GRHL1: variants seen among roughly 807,000 people sequenced by gnomAD.
GRHL1 encodes grainyhead like transcription factor 1.
Under a neutral mutation model 75.7 loss-of-function variants are expected in GRHL1, and 38 were observed. The ratio of observed to expected loss-of-function variants is 0.50; its 90% CI spans 0.39 to 0.66. GRHL1 has a LOEUF of 0.66. Ranked by LOEUF, GRHL1 falls within the 30% of genes least tolerant of loss-of-function variation. The pLI is 0.00. For synonymous variants in GRHL1, 266 were observed against 279.4 expected, an observed-to-expected ratio of 0.95 and a Z score of 0.48; for missense variants, 589 against 767.5, an observed-to-expected ratio of 0.77 and a Z score of 2.75.
rs2125255525 is a variant in GRHL1 at position 10,000,826 on chromosome 2, T to G, written c.*119T>G. On this transcript the variant is annotated 3_prime_UTR_variant, in exon 16 of 16. Coordinates refer to ENST00000324907, the MANE Select transcript of GRHL1 (RefSeq NM_198182.3). ...CCAGCACAGGTCTATGTCGAGGGAA[T>G]GGGTTCCTTGCAGGTTGGAGGCGGG... 1 of 581,052 alleles carries G rather than the reference T, an allele frequency of 1.7e-6. No individual in the cohort carries two copies. Among genetic ancestry groups the G allele is most frequent in the South Asian group, 2.5e-5 (1 of 39,568 alleles). 36.0% of individuals were successfully genotyped at this position (581,052 alleles called of 1,614,324 possible). A position where few individuals can be genotyped will look rare whatever the true frequency, so the allele number is the denominator to read the frequency against.
rs527583071 is a variant in GRHL1, at chr2:9,998,864, G to A, written c.1678-101G>A. 16 of 105,616 alleles carry A rather than the reference G, an allele frequency of 1.5e-4. 1 individual carries two copies. Among genetic ancestry groups the A allele is most frequent in the South Asian group, 1.1e-3 (10 of 9,502 alleles). 6.5% of individuals were successfully genotyped at this position (105,616 alleles called of 1,614,324 possible). ...TATATATATGTACACATATATATAC[G>A]TATATATATGTACACATATATATAC... On this transcript the variant is annotated intron_variant, in intron 14 of 15. Coordinates refer to ENST00000324907, the MANE Select transcript of GRHL1 (RefSeq NM_198182.3).
Position 9,968,229 on chromosome 2 carries a change from G to A in GRHL1, c.1110+2848G>A, listed in dbSNP as rs1044273449. 3.3e-5 allele frequency among the ~76,000 whole-genome samples: 5 copies of A among 152,206 alleles called. No individual in the cohort carries two copies. Among genetic ancestry groups the A allele is most frequent in the African/African-American group, 1.2e-4 (5 of 41,448 alleles). ...AGGACCTATCTTACACTGGCCCTGTGTGCACTCCATTCATCACCATAAACA... is the reference window on the plus strand; with the variant it reads ...AGGACCTATCTTACACTGGCCCTGTATGCACTCCATTCATCACCATAAACA... On this transcript the variant is annotated intron_variant, in intron 8 of 15. Transcript: ENST00000324907. The surrounding 1 kb of genome is among the most constrained non-coding windows in gnomAD (Gnocchi z 4.7).
rs752756443 is a variant in GRHL1, at chr2:10,000,671, C to CG, written c.1827dup (p.Ser610ValfsTer68). The CG allele has an allele frequency of 1.2e-6, 2 of 1,611,270 alleles. No individual in the cohort carries two copies. Among genetic ancestry groups the CG allele is most frequent in the Non-Finnish European group, 8.5e-7 (1 of 1,177,576 alleles). ...CCTTCCAGCTGCAGATTGAAGAAGC[C>CG]GGGGGGTCTTACAAGCTCACCCTGA... On this transcript the variant is annotated frameshift_variant, in exon 16 of 16. Transcript: ENST00000324907. LOFTEE classifies it high-confidence loss of function.
Position 10,000,554 on chromosome 2 carries a change from T to A in GRHL1, c.1743-39T>A, listed in dbSNP as rs769684677. On this transcript the variant is annotated intron_variant, in intron 15 of 15. Coordinates refer to ENST00000324907, the MANE Select transcript of GRHL1 (RefSeq NM_198182.3). ...ATCTAGGTCTGACTCCAGGACCAAG[T>A]GGCAGTGAAGTTGGTTGGTCTTGTC... 1.7e-5 allele frequency: 20 copies of A among 1,153,830 alleles called. 1 individual carries two copies. Among genetic ancestry groups the A allele is most frequent in the Admixed American group, 1.7e-4 (10 of 59,002 alleles). The allele number at this position is 1,153,830 out of a possible 1,614,324, so 71.5% of individuals were successfully genotyped here. A position where few individuals can be genotyped will look rare whatever the true frequency, so the allele number is the denominator to read the frequency against.
chr2:9,985,235 G>C (rs748493332), intron 8 of GRHL1, among the ~76,000 whole-genome samples: 12 of 152,146 alleles, frequency 7.9e-5, no homozygotes, highest in Non-Finnish European at 1.8e-4. Flanking sequence ...TGGATTCTTC[G>C]TTTCTCTCAT....
chr2:9,974,500 G>C (rs1218410163), intron 8 of GRHL1, among the ~76,000 whole-genome samples: 1 of 152,092 alleles, frequency 6.6e-6, no homozygotes, highest in East Asian at 1.9e-4. Flanking sequence ...TGAGTTGGGC[G>C]TGATAATACA....
chr2:9,992,132 C>A lies in GRHL1; in HGVS notation c.1447C>A (p.Gln483Lys), dbSNP rs1293502950. 2 of 1,613,224 alleles carry A rather than the reference C, an allele frequency of 1.2e-6. No individual in the cohort carries two copies. Among genetic ancestry groups the A allele is most frequent in the East Asian group, 4.5e-5 (2 of 44,876 alleles). ...FIPDVHFANLQRGTHVLPIAS... is the reference protein window; with the variant it reads ...FIPDVHFANLKRGTHVLPIAS... Reference sequence around the variant, plus strand: ...TCCTGACGTGCACTTTGCCAACTTGCAGCGGGGCACTCATGTAGGTAACCA... The same window carrying A: ...TCCTGACGTGCACTTTGCCAACTTGAAGCGGGGCACTCATGTAGGTAACCA... The change falls in exon 11 of 16, where the codon CAG (glutamine) becomes AAG (lysine). Residue 483 changes from glutamine to lysine, a missense_variant. Around this residue, in one of 5 missense-constraint regions of GRHL1, gnomAD observed 192 missense variants for 226.6 expected, o/e 0.85. Coordinates refer to ENST00000324907, the MANE Select transcript of GRHL1 (RefSeq NM_198182.3). The surrounding 1 kb of genome is among the most constrained non-coding windows in gnomAD (Gnocchi z 4.6).
intron 8 of GRHL1, among the ~76,000 whole-genome samples, chr2:9,983,248 C>T (rs76311880): frequency 0.019 from 2,931 of 152,164 alleles, 37 homozygotes; most frequent in Non-Finnish European, 0.029. Context: ...GCAGTGCTTA[C>T]GTTTCACAGC....
chr2:9,994,310 AATTATTATTATTATT>A lies in GRHL1; in HGVS notation c.1499+1094_1499+1108del, dbSNP rs70948860. ...CAGGCACATGCCACCACACCCATCT[AATTATTATTATTATT>A]ATTATTATTATTATTATTATTATTA... On this transcript the variant is annotated intron_variant, in intron 12 of 15. Coordinates refer to ENST00000324907, the MANE Select transcript of GRHL1 (RefSeq NM_198182.3). Among the ~76,000 whole-genome samples, 367 of 139,164 alleles carry A rather than the reference AATTATTATTATTATT, an allele frequency of 2.6e-3. 1 individual carries two copies. Among genetic ancestry groups the A allele is most frequent in the African/African-American group, 9.1e-3 (340 of 37,564 alleles). The allele number at this position is 139,164 out of a possible 152,430, so 91.3% of individuals were successfully genotyped here.
At chr2:9,980,257 G>T (rs1261819662) in intron 8 of GRHL1, among the ~76,000 whole-genome samples, 1 of 151,946 alleles carries the variant, frequency 6.6e-6, no homozygotes, top group Admixed American at 6.6e-5. Context: ...GGCTGCCGCG[G>T]TGCTTCCTGG....
chr2:9,996,312 T>C lies in GRHL1; in HGVS notation c.1592-4T>C, dbSNP rs1205916960. 6.2e-7 allele frequency: 1 copy of C among 1,602,870 alleles called. No homozygotes were observed. Among genetic ancestry groups the C allele is most frequent in the East Asian group, 2.2e-5 (1 of 44,844 alleles). Reference sequence around the variant, plus strand: ...TTCCTTATTCCTGGTTGGGGATTGATTAGTGCTGCTCTACGTTCGAAAGGA... The same window carrying C: ...TTCCTTATTCCTGGTTGGGGATTGACTAGTGCTGCTCTACGTTCGAAAGGA... On this transcript the variant is annotated splice_region_variant and splice_polypyrimidine_tract_variant and intron_variant, in intron 13 of 15. Coordinates refer to ENST00000324907, the MANE Select transcript of GRHL1 (RefSeq NM_198182.3).
At chr2:9,985,902 C>G (rs957928706) in intron 8 of GRHL1, among the ~76,000 whole-genome samples, 3 of 152,102 alleles carry the variant, frequency 2.0e-5, no homozygotes, top group Non-Finnish European at 4.4e-5. Context: ...TCAGAGCTGC[C>G]GACTCTTCCT....
At chr2:9,959,704 A>G (rs1572336362) in intron 3 of GRHL1, 2 of 152,252 alleles carry the variant, frequency 1.3e-5, no homozygotes, top group South Asian at 4.1e-4. Context: ...ACAGTTATCA[A>G]CACAATTCCT....
intron 8 of GRHL1, among the ~76,000 whole-genome samples, chr2:9,982,700 T>G (rs1416081821): frequency 6.6e-6 from 1 of 152,226 alleles, no homozygotes; most frequent in African/African-American, 2.4e-5. Flanking sequence ...GCTCCTGGCA[T>G]CACACTTTGA....
intron 7 of GRHL1, 92 bp downstream of exon 7, chr2:9,964,438 C>T (rs746042580): frequency 7.5e-5 from 52 of 697,370 alleles, no homozygotes; most frequent in Admixed American, 1.4e-4. Flanking sequence ...AGCTTCCTGC[C>T]GAAAGCATTT....
intron 4 of GRHL1, among the ~76,000 whole-genome samples, chr2:9,961,950 G>T (rs936019575): frequency 1.3e-5 from 2 of 152,142 alleles, no homozygotes; most frequent in Non-Finnish European, 2.9e-5. Flanking sequence ...AAAAGTTAGG[G>T]ACTAAAGGTG....
chr2:10,001,078 T>A lies in GRHL1; in HGVS notation c.*371T>A, dbSNP rs1263829447. The A allele has an allele frequency of 6.3e-6, 1 of 157,624 alleles. No homozygotes were observed. The highest frequency in any genetic ancestry group is 1.4e-5 in the Non-Finnish European group (1 of 71,378). The allele number at this position is 157,624 out of a possible 1,614,324, so 9.8% of individuals were successfully genotyped here. The stretch of plus-strand genomic sequence containing the variant: ...TGTGCCTACAGTGTCGTGGGCCTGC[T>A]CGCTAGCAGAAGTCAGAAAAGGCGA... On this transcript the variant is annotated 3_prime_UTR_variant, in exon 16 of 16. Coordinates refer to ENST00000324907, the MANE Select transcript of GRHL1 (RefSeq NM_198182.3).
At chr2:9,976,895 C>T (rs1667969922) in intron 8 of GRHL1, among the ~76,000 whole-genome samples, 1 of 152,172 alleles carries the variant, frequency 6.6e-6, no homozygotes, top group South Asian at 2.1e-4. Flanking sequence ...ATTGGAGTCA[C>T]ATAAATAGCT....
At chr2:9,985,676 A>G (rs79482758) in intron 8 of GRHL1, among the ~76,000 whole-genome samples, 3,992 of 152,358 alleles carry the variant, frequency 0.026, 173 homozygotes, top group African/African-American at 0.09. Context: ...AAGTTCTAAA[A>G]TATGAGGACA....
Sources: gnomAD v4.1 joint callset for allele counts (sites outside exome capture counted in the v4.1 genomes callset) on GRCh38, gnomAD v4.1.1 for gene constraint, gnomAD v4.1.1 regional missense constraint, Gnocchi (gnomAD v3.1) non-coding constraint, MANE v1.5 for transcripts, NCBI Gene and HGNC (gene_info 2026-07-23, HGNC 2026-07-21) for gene names.